The following FN1 variants were observed in gnomAD, a reference collection of about 807,000 sequenced individuals.
FN1 encodes fibronectin.
A neutral mutation model predicts 297.3 loss-of-function variants in FN1; 106 were observed. That is an observed-to-expected ratio of 0.36 (90% CI 0.30 to 0.42). FN1 has a LOEUF of 0.42. Among genes scored for constraint, FN1 ranks in the 10% least tolerant of loss-of-function variants. The pLI is 1.00. For missense variants in FN1, 2,690 were observed against 3,124.9 expected (o/e 0.86, Z 3.32); for synonymous variants, 1,149 against 1,152.6 (o/e 1.00, Z 0.06).
intron 28 of FN1, 81 bp downstream of exon 28, chr2:215,386,608 A>G: frequency 2.2e-6 from 2 of 925,882 alleles, no homozygotes; most frequent in South Asian, 1.5e-5. Flanking sequence ...AGCTGATGAC[A>G]GACAACAGCA....
rs748614893 is a variant in FN1, at chr2:215,373,319, T to C, written c.6247+3A>G. On this transcript the variant is annotated splice_donor_region_variant and intron_variant, in intron 39 of 45. Transcript: ENST00000354785. ...CTCCTTGTTACCTGCAAGATACTCT[T>C]ACCTGTCTTTTTCCTTCCAATCAGG... The C allele has an allele frequency of 6.2e-7, 1 of 1,610,050 alleles. No homozygotes were observed. The highest frequency in any genetic ancestry group is 8.5e-7 in the Non-Finnish European group (1 of 1,176,458).
chr2:215,391,122 T>C (rs1334528683), intron 26 of FN1, among the ~76,000 whole-genome samples: 1 of 152,224 alleles, frequency 6.6e-6, no homozygotes, highest in African/African-American at 2.4e-5. Flanking sequence ...TCTAACAGAT[T>C]CTTTTTGAAG....
chr2:215,389,199 G>A (rs1333997376), intron 26 of FN1, among the ~76,000 whole-genome samples: 2 of 152,086 alleles, frequency 1.3e-5, no homozygotes, highest in Non-Finnish European at 2.9e-5. Flanking sequence ...TGCCTCCTGG[G>A]TTCAAGTGAT....
chr2:215,425,533 TTTTG>T (rs936951256), intron 6 of FN1, among the ~76,000 whole-genome samples: 15 of 152,090 alleles, frequency 9.9e-5, no homozygotes, highest in African/African-American at 1.7e-4. Flanking sequence ...TTATATTTCT[TTTTG>T]TTTGTTTGTT....
rs148841394 is a variant in FN1, at chr2:215,370,595, G to A, written c.6715-163C>T. On this transcript the variant is annotated intron_variant, in intron 40 of 45. Coordinates refer to ENST00000354785, the MANE Select transcript of FN1 (RefSeq NM_212482.4). ...AGGGAGGGTATAGTGGTCCTAACCA[G>A]CTGAGGAGAGAAATGGAACAAGGAT... 267 of 650,624 alleles carry A rather than the reference G, an allele frequency of 4.1e-4. No individual in the cohort carries two copies. In the African/African-American group the frequency reaches 4.2e-3, roughly 10 times the overall value. The allele number at this position is 650,624 out of a possible 1,614,324, so 40.3% of individuals were successfully genotyped here.
rs775299912 is a variant in FN1, at chr2:215,420,666, T to TA, written c.1675+6dup. 1.9e-6 allele frequency: 3 copies of TA among 1,613,980 alleles called. No homozygotes were observed. The Admixed American group carries it at 5.0e-5, about 27-fold the overall frequency. Reference sequence around the variant, plus strand: ...GCAAACTCATCTAGGGAAATAGGGCTACTCACCGACGGGATCACACTTCCA... The same window carrying TA: ...GCAAACTCATCTAGGGAAATAGGGCTAACTCACCGACGGGATCACACTTCCA... On this transcript the variant is annotated splice_region_variant and intron_variant, in intron 11 of 45. Coordinates refer to ENST00000354785, the MANE Select transcript of FN1 (RefSeq NM_212482.4).
Position 215,365,605 on chromosome 2 carries a change from G to A in FN1, c.7044C>T (p.Asn2348=), listed in dbSNP as rs763454257. The change falls in exon 43 of 46, where the codon AAC becomes AAT. Residue 2348 remains asparagine, a synonymous_variant. Transcript: ENST00000354785. The part of the protein sequence containing the change: ...SSRWCHDNGV[N]YKIGEKWDRQ... ...GGTCCCACTTCTCTCCAATCTTGTAGTTCACACCATTGTCATGGCACCATC... is the reference window on the plus strand; with the variant it reads ...GGTCCCACTTCTCTCCAATCTTGTAATTCACACCATTGTCATGGCACCATC... 1.9e-6 allele frequency: 3 copies of A among 1,614,022 alleles called. No individual in the cohort carries two copies. Among genetic ancestry groups the A allele is most frequent in the Non-Finnish European group, 2.5e-6 (3 of 1,179,960 alleles).
rs553787958 is a variant in FN1 at position 215,378,254 on chromosome 2, G to C, written c.5631C>G (p.Thr1877=). 5.5e-5 allele frequency: 89 copies of C among 1,606,594 alleles called. No homozygotes were observed. The highest frequency in any genetic ancestry group is 6.9e-5 in the Non-Finnish European group (81 of 1,174,006). The change falls in exon 35 of 46, where the codon ACC becomes ACG. Residue 1877 remains threonine, a synonymous_variant. Coordinates refer to ENST00000354785, the MANE Select transcript of FN1 (RefSeq NM_212482.4). The part of the protein sequence containing the change: ...SVVVSGLMVA[T]KYEVSVYALK... ...GAGCATAGACACTCACTTCATATTT[G>C]GTGGCCACCTAGAGAAATAAGGGCA... is the stretch of plus-strand genomic sequence containing the variant.
intron 18 of FN1, 98 bp downstream of exon 18, chr2:215,407,029 T>C (rs1435778186): frequency 1.1e-6 from 1 of 926,798 alleles, no homozygotes; most frequent in South Asian, 1.3e-5. Flanking sequence ...ATATATAAGA[T>C]TTCTTGAATG....
Position 215,386,680 on chromosome 2 carries a change from A to G in FN1, c.4612+9T>C. The G allele has an allele frequency of 1.2e-6, 2 of 1,613,150 alleles. No homozygotes were observed. Among genetic ancestry groups the G allele is most frequent in the South Asian group, 2.2e-5 (2 of 91,054 alleles). ...TCTTCTGAGTTTCTTTGCAGACAAG[A>G]AAAGTTACCTGTTGATTGTTGGCCA... On this transcript the variant is annotated intron_variant, in intron 28 of 45. Coordinates refer to ENST00000354785, the MANE Select transcript of FN1 (RefSeq NM_212482.4).
intron 5 of FN1, 149 bp downstream of exon 5, chr2:215,430,566 T>C: frequency 3.8e-6 from 3 of 793,898 alleles, no homozygotes; most frequent in East Asian, 2.8e-5. Context: ...GCGGAATAAG[T>C]TGGTTATGAA....
chr2:215,371,774 A>G (rs1471963936), intron 40 of FN1, 135 bp downstream of exon 40: 1 of 769,278 alleles, frequency 1.3e-6, no homozygotes, highest in Non-Finnish European at 2.2e-6. Context: ...CGGCCTCCCA[A>G]AGTGCTGGGA....
rs1287862501 is a variant in FN1, at chr2:215,361,313, C to T, written c.*242G>A. On this transcript the variant is annotated 3_prime_UTR_variant, in exon 46 of 46. Transcript: ENST00000354785. ...GAATCACTTCATTTAAAATACTGAG[C>T]GGTATTGAATACTTCGAAGCAGAAC... 5 of 500,094 alleles carry T rather than the reference C, an allele frequency of 1.0e-5. No homozygotes were observed. Among genetic ancestry groups the T allele is most frequent in the Admixed American group, 3.3e-5 (1 of 30,262 alleles). The allele number at this position is 500,094 out of a possible 1,614,324, so 31.0% of individuals were successfully genotyped here.
At chr2:215,414,995 A>T in intron 12 of FN1, 37 bp from the exon 13 acceptor site, 1 of 1,542,504 alleles carries the variant, frequency 6.5e-7, no homozygotes, top group Non-Finnish European at 9.0e-7. Context: ...TATCTTGAAT[A>T]TTCACTCACT....
chr2:215,431,767 A>G, intron 4 of FN1, 66 bp downstream of exon 4: 1 of 1,551,272 alleles, frequency 6.4e-7, no homozygotes, highest in Non-Finnish European at 8.9e-7. Flanking sequence ...TGTAGATGTG[A>G]TTCTGGTCCA....
intron 27 of FN1, among the ~76,000 whole-genome samples, chr2:215,387,323 G>A (rs1575442789): frequency 6.6e-6 from 1 of 152,140 alleles, no homozygotes; most frequent in Admixed American, 6.5e-5. Flanking sequence ...AGTATTCTGT[G>A]TTTCTATCCT....
chr2:215,407,064 CA>C lies in FN1; in HGVS notation c.2713+62del. On this transcript the variant is annotated intron_variant, in intron 18 of 45. Transcript: ENST00000354785. Reference sequence around the variant, plus strand: ...GAGAGGACTGTTGACAGAGACAAAACAACCCTCCTTCAGGAACAATCCTGAT... The same window carrying C: ...GAGAGGACTGTTGACAGAGACAAAACACCCTCCTTCAGGAACAATCCTGAT... 5.4e-6 allele frequency: 7 copies of C among 1,296,428 alleles called. No individual in the cohort carries two copies. The South Asian group carries it at 5.9e-5, about 11-fold the overall frequency. 80.3% of individuals were successfully genotyped at this position (1,296,428 alleles called of 1,614,324 possible). A position where few individuals can be genotyped will look rare whatever the true frequency, so the allele number is the denominator to read the frequency against.
intron 23 of FN1, among the ~76,000 whole-genome samples, chr2:215,396,538 A>G (rs2060330205): frequency 6.6e-6 from 1 of 152,216 alleles, no homozygotes; most frequent in Non-Finnish European, 1.5e-5. Context: ...AATTAAAAAA[A>G]AATTACATTC....
rs2061892501 is a variant in FN1 at position 215,407,269 on chromosome 2, G to A, written c.2571C>T (p.Asn857=). ...PSVEGSSTEL[N]LPETANSVTL... is the part of the protein sequence containing the mutation. ...TGACGGAGTTTGCAGTTTCAGGAAGGTTGAGTTCTGTGCTGCTACCTTCTA... is the reference window on the plus strand; with the variant it reads ...TGACGGAGTTTGCAGTTTCAGGAAGATTGAGTTCTGTGCTGCTACCTTCTA... The change falls in exon 18 of 46, where the codon AAC becomes AAT. Residue 857 remains asparagine, a synonymous_variant. Coordinates refer to ENST00000354785, the MANE Select transcript of FN1 (RefSeq NM_212482.4). The A allele has an allele frequency of 6.2e-7, 1 of 1,614,126 alleles. No homozygotes were observed. Among genetic ancestry groups the A allele is most frequent in the Non-Finnish European group, 8.5e-7 (1 of 1,179,998 alleles).
Sources: allele counts gnomAD v4.1 joint callset (sites outside exome capture counted in the v4.1 genomes callset), GRCh38; gene constraint gnomAD v4.1.1; transcripts MANE v1.5; gene names NCBI Gene and HGNC (gene_info 2026-07-23, HGNC 2026-07-21).